Variants in UBE3D observed in about 807,000 individuals in gnomAD.
UBE3D encodes the protein ubiquitin protein ligase E3D, also known as E3 ubiquitin-protein ligase E3D.
Under a neutral mutation model 49.6 loss-of-function variants are expected in UBE3D, and 48 were observed. That is an observed-to-expected ratio of 0.97 (90% CI 0.77 to 1.23). The LOEUF (loss-of-function observed/expected upper bound fraction) is 1.23, where lower values mean the gene tolerates loss of function less well. Ranked by LOEUF, UBE3D falls within the 50% of genes most tolerant of loss-of-function variation. UBE3D has a pLI of 0.00. For missense variants in UBE3D, 452 were observed against 468.4 expected (o/e 0.96, Z 0.32); for synonymous variants, 189 against 174.2 (o/e 1.08, Z -0.67).
intron 8 of UBE3D, among the ~76,000 whole-genome samples, chr6:82,990,608 T>C (rs1440779007): frequency 6.6e-6 from 1 of 152,140 alleles, no homozygotes; most frequent in South Asian, 2.1e-4. Context: ...AGCAGATAGC[T>C]ACAGATAAAA....
intron 9 of UBE3D, among the ~76,000 whole-genome samples, chr6:82,955,439 G>T (rs1192107883): frequency 1.3e-5 from 2 of 152,138 alleles, no homozygotes; most frequent in Non-Finnish European, 2.9e-5. Flanking sequence ...CAGTACATGA[G>T]GGAAGGAGTG....
intron 9 of UBE3D, among the ~76,000 whole-genome samples, chr6:82,949,482 A>C (rs1192977056): frequency 6.7e-6 from 1 of 150,042 alleles, no homozygotes; most frequent in Non-Finnish European, 1.5e-5. Context: ...CTGCCTAAAC[A>C]ATGACATTCT....
At chr6:82,966,105 A>G (rs1351754725) in intron 8 of UBE3D, among the ~76,000 whole-genome samples, 1 of 152,214 alleles carries the variant, frequency 6.6e-6, no homozygotes, top group Non-Finnish European at 1.5e-5. Flanking sequence ...GGACTAAATA[A>G]GATCCATATA....
At chr6:83,040,761 G>A (rs532939247) in intron 4 of UBE3D, among the ~76,000 whole-genome samples, 4 of 152,250 alleles carry the variant, frequency 2.6e-5, no homozygotes, top group Admixed American at 6.5e-5. Flanking sequence ...TCCCAAAGTG[G>A]GCCCCACAGT....
chr6:82,885,943 T>C, the UBE3D span, among the ~76,000 whole-genome samples: 1 of 152,218 alleles, frequency 6.6e-6, no homozygotes, highest in Admixed American at 6.5e-5. Context: ...CAGACAAGGA[T>C]GCCTTCTCTG....
intron 9 of UBE3D, among the ~76,000 whole-genome samples, chr6:82,902,082 C>G (rs935265829): frequency 6.6e-6 from 1 of 152,074 alleles, no homozygotes; most frequent in African/African-American, 2.4e-5. Flanking sequence ...CATGGGTCTC[C>G]AGCAAATTTA....
chr6:83,024,569 G>A (rs987663301), intron 5 of UBE3D, among the ~76,000 whole-genome samples: 1 of 152,028 alleles, frequency 6.6e-6, no homozygotes, highest in Non-Finnish European at 1.5e-5. Context: ...TCTGGAATTC[G>A]GGAATAATCA....
chr6:82,908,513 T>C (rs986340949), intron 9 of UBE3D, among the ~76,000 whole-genome samples: 1 of 152,170 alleles, frequency 6.6e-6, no homozygotes, highest in Non-Finnish European at 1.5e-5. Context: ...CAAAAACCAC[T>C]TGTACCTCTA....
intron 8 of UBE3D, among the ~76,000 whole-genome samples, chr6:82,978,424 T>C (rs966064478): frequency 5.9e-5 from 9 of 152,206 alleles, no homozygotes; most frequent in African/African-American, 2.4e-5. Flanking sequence ...GCTTACAGTA[T>C]TGTTAGGATC....
chr6:83,046,346 G>A (rs1783029819), intron 3 of UBE3D, among the ~76,000 whole-genome samples: 1 of 151,910 alleles, frequency 6.6e-6, no homozygotes, highest in South Asian at 2.1e-4. Context: ...ATTTATAACT[G>A]CAGAGGACAA....
chr6:82,949,003 T>G (rs1374244568), intron 9 of UBE3D, among the ~76,000 whole-genome samples: 1 of 152,064 alleles, frequency 6.6e-6, no homozygotes, highest in African/African-American at 2.4e-5. Context: ...AACATAGTAC[T>G]GGAAGTCCTA....
intron 8 of UBE3D, among the ~76,000 whole-genome samples, chr6:83,013,063 C>G (rs1262435982): frequency 2.0e-5 from 3 of 152,204 alleles, no homozygotes; most frequent in African/African-American, 7.2e-5. Flanking sequence ...ATTTGAGCCA[C>G]TTCCTCATGT....
intron 9 of UBE3D, among the ~76,000 whole-genome samples, chr6:82,897,857 T>C (rs1208355767): frequency 2.0e-5 from 3 of 152,136 alleles, no homozygotes; most frequent in African/African-American, 7.2e-5. Flanking sequence ...CTAAAAGATA[T>C]TCCTCTCAAA....
At chr6:83,054,637 C>A (rs1239862619) in intron 2 of UBE3D, among the ~76,000 whole-genome samples, 2 of 152,052 alleles carry the variant, frequency 1.3e-5, no homozygotes, top group East Asian at 3.9e-4. Context: ...ACAAATAGAG[C>A]TCTTAAATTT....
At chr6:82,916,418 C>T (rs1038079180) in intron 9 of UBE3D, among the ~76,000 whole-genome samples, 16 of 152,204 alleles carry the variant, frequency 1.1e-4, no homozygotes, top group Admixed American at 9.8e-4. Flanking sequence ...ACTACAGCAG[C>T]TGTAAGACAA....
chr6:82,953,874 C>T (rs1407831486), intron 9 of UBE3D, among the ~76,000 whole-genome samples: 2 of 152,178 alleles, frequency 1.3e-5, no homozygotes, highest in African/African-American at 4.8e-5. Context: ...CAGGTTGGGC[C>T]TCTCCTCAGA....
chr6:82,954,378 C>G (rs1776014522), intron 9 of UBE3D, among the ~76,000 whole-genome samples: 1 of 151,932 alleles, frequency 6.6e-6, no homozygotes, highest in Admixed American at 6.6e-5. Context: ...AAAAGAGATC[C>G]CTGTTGGCCT....
chr6:83,001,978 T>G (rs934423515), intron 8 of UBE3D, among the ~76,000 whole-genome samples: 2 of 152,098 alleles, frequency 1.3e-5, no homozygotes, highest in African/African-American at 2.4e-5. Flanking sequence ...AAAACCCTCT[T>G]GAGTAGAGAC....
rs541738634 is a variant in UBE3D, at chr6:82,919,792, C to T, written c.1150-26750G>A. ...TGAATTTGGGCAAGGAGTGTCTTCC[C>T]AGCAATCTTTTTTCTTATTTTCCTG... On this transcript the variant is annotated intron_variant, in intron 9 of 9. Transcript: ENST00000369747. 2.2e-4 allele frequency among the ~76,000 whole-genome samples: 33 copies of T among 152,060 alleles called. 1 individual carries two copies. In the South Asian group the frequency reaches 6.5e-3, roughly 30 times the overall value.
Sources: allele counts gnomAD v4.1 joint callset (sites outside exome capture counted in the v4.1 genomes callset), GRCh38; gene constraint gnomAD v4.1.1; transcripts MANE v1.5; gene names NCBI Gene and HGNC (gene_info 2026-07-23, HGNC 2026-07-21).